The following CKS2 variants were observed in gnomAD, a reference collection of about 807,000 sequenced individuals.
CKS2 encodes the protein CDC28 protein kinase regulatory subunit 2.
A neutral mutation model predicts 14.3 loss-of-function variants in CKS2; 4 were observed. That is an observed-to-expected ratio of 0.28 (90% CI 0.14 to 0.64). CKS2 has a LOEUF of 0.64. Among genes scored for constraint, CKS2 ranks in the 30% least tolerant of loss-of-function variants. CKS2 has a pLI of 0.83. For missense variants in CKS2, 71 were observed against 94.3 expected (o/e 0.75, Z 1.02); for synonymous variants, 33 against 28.7 (o/e 1.15, Z -0.48).
Position 89,311,368 on chromosome 9 carries a change from G to A in CKS2, c.59+17G>A. 1.9e-6 allele frequency: 3 copies of A among 1,586,326 alleles called. No homozygotes were observed. The highest frequency in any genetic ancestry group is 2.6e-6 in the Non-Finnish European group (3 of 1,167,800). Reference sequence around the variant, plus strand: ...CGAGTACCGGTGGGCGCCTTTCTTAGACCCCGAGCCGGCTCCCTCAGCCGG... The same window carrying A: ...CGAGTACCGGTGGGCGCCTTTCTTAAACCCCGAGCCGGCTCCCTCAGCCGG... On this transcript the variant is annotated intron_variant, in intron 1 of 2. Transcript: ENST00000314355.
rs374633083 is a variant in CKS2, at chr9:89,311,243, T to G, written c.-50T>G. The G allele has an allele frequency of 7.6e-5, 118 of 1,543,666 alleles. No homozygotes were observed. The highest frequency in any genetic ancestry group is 1.0e-4 in the Non-Finnish European group (115 of 1,121,462). ...CTGGGCTGGACGTGGTTTTGTCTGC[T>G]GCGCCCGCTCTTCGCGCTCTCGTTT... On this transcript the variant is annotated 5_prime_UTR_variant, in exon 1 of 3. Transcript: ENST00000314355.
At chr9:89,314,783 A>G (rs1587815485) in intron 1 of CKS2, among the ~76,000 whole-genome samples, 1 of 152,288 alleles carries the variant, frequency 6.6e-6, no homozygotes, top group East Asian at 1.9e-4. Flanking sequence ...ATTCAACAAG[A>G]AGGAGAAAAA....
intron 1 of CKS2, among the ~76,000 whole-genome samples, chr9:89,314,728 A>G (rs968837008): frequency 2.0e-5 from 3 of 152,174 alleles, no homozygotes; most frequent in South Asian, 2.1e-4. Flanking sequence ...AGTTGCTTCT[A>G]TGGTCCTAGA....
intron 1 of CKS2, 28 bp downstream of exon 1, chr9:89,311,379 G>T: frequency 3.2e-6 from 5 of 1,585,896 alleles, no homozygotes; most frequent in Non-Finnish European, 4.3e-6. Context: ...ACCCCGAGCC[G>T]GCTCCCTCAG....
chr9:89,316,254 C>A (rs1357182926), intron 2 of CKS2, 119 bp from the exon 3 acceptor site: 2 of 684,048 alleles, frequency 2.9e-6, no homozygotes, highest in South Asian at 1.9e-5. Context: ...TTGGATACCT[C>A]AAACCAATTA....
intron 1 of CKS2, among the ~76,000 whole-genome samples, chr9:89,313,705 A>G (rs1824659501): frequency 1.3e-5 from 2 of 152,266 alleles, no homozygotes; most frequent in Non-Finnish European, 2.9e-5. Context: ...AAAGGTACAA[A>G]AGCACTACAT....
chr9:89,312,977 T>C (rs185953029), intron 1 of CKS2, among the ~76,000 whole-genome samples: 1 of 152,360 alleles, frequency 6.6e-6, no homozygotes, highest in East Asian at 1.9e-4. Flanking sequence ...GTCGATTTTT[T>C]AGTTTTAATA....
At chr9:89,311,751 C>A (rs528320262) in intron 1 of CKS2, among the ~76,000 whole-genome samples, 1 of 152,226 alleles carries the variant, frequency 6.6e-6, no homozygotes, top group African/African-American at 2.4e-5. Flanking sequence ...AGTTCCAGTT[C>A]TTTGAACCAG....
intron 2 of CKS2, among the ~76,000 whole-genome samples, chr9:89,316,156 T>C (rs959941633): frequency 2.0e-5 from 3 of 152,142 alleles, no homozygotes; most frequent in African/African-American, 7.2e-5. Context: ...TGTAGGTGAT[T>C]TGAAGGAGGT....
intron 1 of CKS2, among the ~76,000 whole-genome samples, chr9:89,314,519 A>AG (rs1438226640): frequency 3.3e-5 from 5 of 152,240 alleles, no homozygotes; most frequent in African/African-American, 1.2e-4. Flanking sequence ...AAGTACTTGA[A>AG]GTATAAAGCA....
chr9:89,315,516 G>T (rs1587815827), intron 2 of CKS2, among the ~76,000 whole-genome samples: 1 of 128,784 alleles, frequency 7.8e-6, no homozygotes. Context: ...ATTCTACTTG[G>T]AAAATAATGT....
intron 2 of CKS2, among the ~76,000 whole-genome samples, chr9:89,315,831 T>C (rs1002919156): frequency 6.6e-6 from 1 of 152,186 alleles, no homozygotes; most frequent in African/African-American, 2.4e-5. Flanking sequence ...TTTTCTAGAC[T>C]AAAACAGTGT....
At chr9:89,313,865 A>G (rs1437592115) in intron 1 of CKS2, among the ~76,000 whole-genome samples, 1 of 152,230 alleles carries the variant, frequency 6.6e-6, no homozygotes, top group African/African-American at 2.4e-5. Flanking sequence ...ATTGATGAAA[A>G]CTCTACAAAT....
intron 1 of CKS2, among the ~76,000 whole-genome samples, chr9:89,314,694 G>GT (rs1258738284): frequency 6.6e-6 from 1 of 152,242 alleles, no homozygotes; most frequent in African/African-American, 2.4e-5. Context: ...CTTACCTCTT[G>GT]TTGCTTTACC....
chr9:89,311,370 C>A lies in CKS2; in HGVS notation c.59+19C>A. The A allele has an allele frequency of 6.3e-7, 1 of 1,593,284 alleles. No individual in the cohort carries two copies. The highest frequency in any genetic ancestry group is 1.4e-5 in the African/African-American group (1 of 73,122). On this transcript the variant is annotated intron_variant, in intron 1 of 2. Transcript: ENST00000314355. ...AGTACCGGTGGGCGCCTTTCTTAGA[C>A]CCCGAGCCGGCTCCCTCAGCCGGGG... is the stretch of plus-strand genomic sequence containing the variant.
intron 2 of CKS2, 87 bp downstream of exon 2, chr9:89,315,384 C>A: frequency 5.4e-6 from 6 of 1,121,150 alleles, no homozygotes; most frequent in Non-Finnish European, 4.8e-6. Flanking sequence ...TCATTGACAT[C>A]AAATGATATC....
At chr9:89,315,449 GGA>G (rs1656577107) in intron 2 of CKS2, 152 bp downstream of exon 2, 4 of 477,820 alleles carry the variant, frequency 8.4e-6, no homozygotes, top group Non-Finnish European at 9.9e-6. Flanking sequence ...TCTTGACTCT[GGA>G]GAGAGTTCCA....
intron 2 of CKS2, among the ~76,000 whole-genome samples, chr9:89,315,684 G>GATAT (rs3211687): frequency 0.025 from 3,801 of 152,160 alleles, 161 homozygotes; most frequent in East Asian, 0.16. Context: ...CCTCTGAAAG[G>GATAT]ATATATACCA....
intron 1 of CKS2, among the ~76,000 whole-genome samples, chr9:89,314,599 CTG>C (rs1470457168): frequency 1.3e-5 from 2 of 152,176 alleles, no homozygotes; most frequent in African/African-American, 2.4e-5. Context: ...CCCAAATTAA[CTG>C]TAACTTAGAT....
Sources: allele counts gnomAD v4.1 joint callset (sites outside exome capture counted in the v4.1 genomes callset), GRCh38; gene constraint gnomAD v4.1.1; transcripts MANE v1.5; gene names NCBI Gene and HGNC (gene_info 2026-07-23, HGNC 2026-07-21).